CATSPERE: variants seen among roughly 807,000 people sequenced by gnomAD.
CATSPERE encodes the protein cation channel sperm-associated auxiliary subunit epsilon.
CATSPERE carries 93 observed loss-of-function variants against 114.1 expected under a neutral mutation model. The ratio of observed to expected loss-of-function variants is 0.81; its 90% CI spans 0.69 to 0.97. The LOEUF (loss-of-function observed/expected upper bound fraction) is 0.97, where lower values mean the gene tolerates loss of function less well. Ranked by LOEUF, CATSPERE falls within the 50% of genes least tolerant of loss-of-function variation. CATSPERE has a pLI of 0.00. For missense variants in CATSPERE, 1,058 were observed against 1,131.6 expected, an observed-to-expected ratio of 0.93 and a Z score of 0.93; for synonymous variants, 341 against 384.1, an observed-to-expected ratio of 0.89 and a Z score of 1.31.
At chr1:244,594,305 G>T (rs576418538) in intron 17 of CATSPERE, among the ~76,000 whole-genome samples, 1 of 152,276 alleles carries the variant, frequency 6.6e-6, no homozygotes, top group South Asian at 2.1e-4. Flanking sequence ...GGGCAACAGA[G>T]TGAGACCTTG....
intron 8 of CATSPERE, among the ~76,000 whole-genome samples, chr1:244,525,368 C>T (rs1043097803): frequency 4.0e-4 from 60 of 151,220 alleles, no homozygotes. Context: ...CGGGATAGCT[C>T]TGGAAGATAT....
intron 11 of CATSPERE, among the ~76,000 whole-genome samples, chr1:244,576,675 AT>A (rs1441993299): frequency 1.3e-5 from 2 of 151,984 alleles, no homozygotes; most frequent in Non-Finnish European, 2.9e-5. Context: ...TAATGTGAGC[AT>A]TTTACATGTT....
intron 17 of CATSPERE, among the ~76,000 whole-genome samples, chr1:244,596,958 CTCTG>C (rs1208974259): frequency 6.6e-6 from 1 of 152,092 alleles, no homozygotes; most frequent in Non-Finnish European, 1.5e-5. Context: ...GTACCAGGAA[CTCTG>C]TCTGCCTTCC....
At chr1:244,557,565 A>ATATATG (rs1558491723) in intron 9 of CATSPERE, among the ~76,000 whole-genome samples, 1 of 85,856 alleles carries the variant, frequency 1.2e-5, no homozygotes, top group Non-Finnish European at 2.2e-5. Flanking sequence ...ATATATATAT[A>ATATATG]TATATATATA....
chr1:244,457,130 G>C (rs1341098646), upstream of CATSPERE, among the ~76,000 whole-genome samples: 3 of 152,166 alleles, frequency 2.0e-5, no homozygotes, highest in African/African-American at 7.2e-5. Flanking sequence ...TAAACCAGTT[G>C]GCTAAGAGCT....
intron 1 of CATSPERE, among the ~76,000 whole-genome samples, 191 bp downstream of exon 1, chr1:244,461,685 G>C (rs190743272): frequency 2.8e-4 from 42 of 152,278 alleles, no homozygotes; most frequent in African/African-American, 9.9e-4. Flanking sequence ...CCATGAGCGA[G>C]AGGGGACGCA....
At chr1:244,459,556 T>C (rs1666466402), upstream of CATSPERE, among the ~76,000 whole-genome samples, 1 of 152,234 alleles carries the variant, frequency 6.6e-6, no homozygotes. Flanking sequence ...TCATGGTTTG[T>C]TTTGAATAAA....
At chr1:244,599,632 G>A (rs373265807) in intron 17 of CATSPERE, among the ~76,000 whole-genome samples, 11 of 152,302 alleles carry the variant, frequency 7.2e-5, no homozygotes, top group South Asian at 2.1e-4. Flanking sequence ...TCCAAAGCTC[G>A]AAATCCTTAT....
intron 8 of CATSPERE, among the ~76,000 whole-genome samples, chr1:244,537,118 C>G (rs983905944): frequency 6.7e-6 from 1 of 149,896 alleles, no homozygotes; most frequent in Non-Finnish European, 1.5e-5. Flanking sequence ...GTCGTGTAGG[C>G]AATCTTAGGA....
At chr1:244,459,702 T>C (rs10927236), upstream of CATSPERE, among the ~76,000 whole-genome samples, 33,465 of 152,176 alleles carry the variant, frequency 0.22, 4,230 homozygotes, top group African/African-American at 0.33. Flanking sequence ...CCCAGACTAA[T>C]GCTTTCAAAT....
chr1:244,574,932 T>C (rs1427599697), intron 11 of CATSPERE, among the ~76,000 whole-genome samples: 6 of 152,266 alleles, frequency 3.9e-5, no homozygotes, highest in Non-Finnish European at 5.9e-5. Context: ...CTTAACTTTC[T>C]GACTTCTTTT....
intron 11 of CATSPERE, among the ~76,000 whole-genome samples, chr1:244,578,828 A>ATATATATG: frequency 6.9e-6 from 1 of 143,898 alleles, no homozygotes; most frequent in Non-Finnish European, 1.5e-5. Flanking sequence ...ATATACATAT[A>ATATATATG]TATATATATA....
At chr1:244,471,221 AATT>A (rs370555802) in intron 2 of CATSPERE, among the ~76,000 whole-genome samples, 19 of 152,358 alleles carry the variant, frequency 1.2e-4, no homozygotes, top group African/African-American at 4.6e-4. Context: ...CACACCTAAA[AATT>A]AATAATCATT....
chr1:244,544,887 T>C (rs1659477372), intron 8 of CATSPERE, among the ~76,000 whole-genome samples: 1 of 152,218 alleles, frequency 6.6e-6, no homozygotes, highest in Non-Finnish European at 1.5e-5. Context: ...TGCTTTTTTT[T>C]CCATCCCTGT....
chr1:244,545,560 T>A (rs140210636), intron 8 of CATSPERE, among the ~76,000 whole-genome samples: 5 of 152,322 alleles, frequency 3.3e-5, no homozygotes, highest in Non-Finnish European at 4.4e-5. Flanking sequence ...ACACTCCTTT[T>A]GTATTTTGGA....
chr1:244,477,490 G>A, intron 2 of CATSPERE, 51 bp from the exon 3 acceptor site: 3 of 1,026,722 alleles, frequency 2.9e-6, no homozygotes, highest in Non-Finnish European at 3.0e-6. Flanking sequence ...GAACCCTGAG[G>A]TGAAAAGTTT....
chr1:244,618,002 G>A (rs1671614213), intron 20 of CATSPERE, among the ~76,000 whole-genome samples: 1 of 152,082 alleles, frequency 6.6e-6, no homozygotes, highest in Non-Finnish European at 1.5e-5. Context: ...AGTTGGGGGA[G>A]GGATGCACAT....
chr1:244,553,513 G>A (rs1295014769), intron 9 of CATSPERE, among the ~76,000 whole-genome samples: 22 of 149,000 alleles, frequency 1.5e-4, no homozygotes, highest in African/African-American at 3.0e-4. Context: ...CCCGGGAGGC[G>A]GAGCTTGCAG....
Position 244,518,662 on chromosome 1 carries a change from G to T in CATSPERE, c.500G>T (p.Arg167Ile), listed in dbSNP as rs1425909022. The T allele has an allele frequency of 3.2e-6, 5 of 1,579,468 alleles. No individual in the cohort carries two copies. In the East Asian group the frequency reaches 1.1e-4, roughly 36 times the overall value. ...CCTGTCATACATACAGTTCTGAAGA[G>T]AAAAGTTTATTCTTCAAATGAGAAA... ...QKPVIHTVLK[R>I]KVYSSNEKMR... The change falls in exon 8 of 22, where the codon AGA becomes ATA. Residue 167 changes from arginine to isoleucine, a missense_variant. By Grantham distance (97) the Arg-to-Ile change is moderately conservative. This residue lies in a region of CATSPERE where 271 missense variants were observed against 225.9 expected (regional missense o/e 1.20). Transcript: ENST00000366534.
Sources: gnomAD v4.1 joint callset for allele counts (sites outside exome capture counted in the v4.1 genomes callset) on GRCh38, gnomAD v4.1.1 for gene constraint, gnomAD v4.1.1 regional missense constraint, MANE v1.5 for transcripts, NCBI Gene and HGNC (gene_info 2026-07-23, HGNC 2026-07-21) for gene names.